The following NLGN4X variants were observed in gnomAD, a reference collection of about 807,000 sequenced individuals.
The protein encoded by NLGN4X is neuroligin 4 X-linked.
A neutral mutation model predicts 40.3 loss-of-function variants in NLGN4X; 3 were observed. That is an observed-to-expected ratio of 0.07 (90% CI 0.03 to 0.19). The LOEUF (loss-of-function observed/expected upper bound fraction) is 0.19. Among genes scored for constraint, NLGN4X ranks in the 10% least tolerant of loss-of-function variants. The probability of loss-of-function intolerance (pLI) is 1.00; values close to 1 mark genes in which losing one functional copy is unlikely to be tolerated. For missense variants in NLGN4X, 382 were observed against 708.3 expected, an observed-to-expected ratio of 0.54 and a Z score of 5.23; for synonymous variants, 270 against 306.8, an observed-to-expected ratio of 0.88 and a Z score of 1.25.
At chrX:6,054,415 G>A (rs773996362) in intron 2 of NLGN4X, among the ~76,000 whole-genome samples, 1 of 110,734 alleles carries the variant, frequency 9.0e-6, no homozygotes, top group African/African-American at 3.3e-5. Context: ...AGGAGTTCAA[G>A]ACCAGACTGG....
chrX:6,154,511 G>GA (rs1310215912), intron 1 of NLGN4X, among the ~76,000 whole-genome samples: 206 of 99,975 alleles, frequency 2.1e-3, no homozygotes, highest in Non-Finnish European at 3.3e-3. Flanking sequence ...TCCTTGTGGG[G>GA]AAAAAAAAAA....
chrX:6,012,330 C>T (rs368252637), intron 3 of NLGN4X, among the ~76,000 whole-genome samples: 313 of 112,153 alleles, frequency 2.8e-3, no homozygotes, highest in African/African-American at 9.7e-3. Context: ...AATAAACTTT[C>T]AGATACTGCA....
At chrX:6,195,126 C>T (rs1424028208) in intron 1 of NLGN4X, among the ~76,000 whole-genome samples, 1 of 112,230 alleles carries the variant, frequency 8.9e-6, no homozygotes, top group Admixed American at 9.4e-5. Context: ...CATGCATTAG[C>T]TGTTTGTCCG....
chrX:5,906,906 C>G (rs1402459415), intron 4 of NLGN4X, among the ~76,000 whole-genome samples: 1 of 110,810 alleles, frequency 9.0e-6, no homozygotes, highest in Non-Finnish European at 1.9e-5. Context: ...ACGGTGAAAG[C>G]CCATCTCTAC....
intron 2 of NLGN4X, among the ~76,000 whole-genome samples, chrX:6,099,887 G>A (rs1033989102): frequency 9.0e-6 from 1 of 111,379 alleles, no homozygotes. Flanking sequence ...GCTCGGTCCG[G>A]GAGACCCTAA....
chrX:6,090,214 T>C (rs996274941), intron 2 of NLGN4X, among the ~76,000 whole-genome samples: 1 of 111,598 alleles, frequency 9.0e-6, no homozygotes, highest in African/African-American at 3.3e-5. Context: ...TGTTTAACCT[T>C]ACTCTATTGT....
intron 2 of NLGN4X, among the ~76,000 whole-genome samples, chrX:6,044,543 A>G (rs1221478401): frequency 1.8e-5 from 2 of 111,378 alleles, no homozygotes; most frequent in Admixed American, 9.6e-5. Context: ...GAAGATTTTT[A>G]GGGTTGCAGA....
Position 5,991,350 on chromosome X carries a change from A to G in NLGN4X, c.625+37930T>C, listed in dbSNP as rs141372518. 1.5e-3 allele frequency: 718 copies of G among 467,292 alleles called. 6 individuals are homozygous for G. In the East Asian group the frequency reaches 0.022, roughly 15 times the overall value. The allele number at this position is 467,292 out of a possible 1,213,427, so 38.5% of individuals were successfully genotyped here. ...CCCACAGCATAATCAATGAAAACAT[A>G]GCAGAAACCTCCCTGTCTAAGCCCA... On this transcript the variant is annotated intron_variant, in intron 3 of 5. Coordinates refer to ENST00000381095, the MANE Select transcript of NLGN4X (RefSeq NM_181332.3).
chrX:5,930,856 A>G (rs754896634), intron 3 of NLGN4X, among the ~76,000 whole-genome samples: 1 of 111,804 alleles, frequency 8.9e-6, no homozygotes, highest in South Asian at 3.8e-4. Flanking sequence ...TATATGTATC[A>G]CCCTTTCAAT....
chrX:5,986,684 A>C (rs2035538318), intron 3 of NLGN4X, among the ~76,000 whole-genome samples: 2 of 112,126 alleles, frequency 1.8e-5, no homozygotes, highest in Non-Finnish European at 3.8e-5. Flanking sequence ...TACAGCAATA[A>C]GACACACAAC....
intron 3 of NLGN4X, among the ~76,000 whole-genome samples, chrX:5,927,074 T>C (rs5961382): frequency 0.046 from 5,081 of 111,076 alleles, 302 homozygotes; most frequent in African/African-American, 0.16. Flanking sequence ...TTATCAACAA[T>C]GGTTTTCTTT....
intron 2 of NLGN4X, among the ~76,000 whole-genome samples, chrX:6,099,065 T>C (rs1420961720): frequency 4.5e-5 from 5 of 112,070 alleles, no homozygotes; most frequent in Admixed American, 9.5e-5. Context: ...ACCTACACTG[T>C]CCTTAGACAT....
chrX:6,138,555 T>C (rs1217226834), intron 2 of NLGN4X, among the ~76,000 whole-genome samples: 2 of 111,957 alleles, frequency 1.8e-5, no homozygotes, highest in Non-Finnish European at 3.8e-5. Context: ...ATTCATTTGT[T>C]CCATGTACTG....
intron 2 of NLGN4X, among the ~76,000 whole-genome samples, chrX:6,118,067 CCTCT>C (rs776534076): frequency 2.8e-5 from 3 of 108,462 alleles, no homozygotes; most frequent in East Asian, 2.9e-4. Context: ...CCACTTTCTC[CCTCT>C]CTCTCTCTCT....
intron 2 of NLGN4X, among the ~76,000 whole-genome samples, chrX:6,139,164 C>T (rs1271171397): frequency 9.0e-6 from 1 of 111,492 alleles, no homozygotes; most frequent in African/African-American, 3.3e-5. Flanking sequence ...AAGTACTTTA[C>T]TAGAATAGAA....
At chrX:5,974,364 T>C (rs2035113998) in intron 3 of NLGN4X, among the ~76,000 whole-genome samples, 1 of 111,957 alleles carries the variant, frequency 8.9e-6, no homozygotes, top group African/African-American at 3.3e-5. Context: ...TGGAGTTTCA[T>C]CCACAGTCAT....
chrX:5,967,714 T>C (rs1418194353), intron 3 of NLGN4X, among the ~76,000 whole-genome samples: 1 of 111,221 alleles, frequency 9.0e-6, no homozygotes, highest in Non-Finnish European at 1.9e-5. Context: ...GAGAGAAGTA[T>C]GGACACAGAC....
intron 1 of NLGN4X, among the ~76,000 whole-genome samples, chrX:6,193,325 C>G (rs1354941457): frequency 2.0e-5 from 2 of 102,086 alleles, no homozygotes; most frequent in African/African-American, 3.6e-5. Flanking sequence ...AAGAGAATGG[C>G]GTGAACCCGG....
chrX:6,185,202 C>T (rs5961411), intron 1 of NLGN4X, among the ~76,000 whole-genome samples: 8,314 of 111,594 alleles, frequency 0.075, 246 homozygotes, highest in South Asian at 0.16. Flanking sequence ...AAAGAGTGAC[C>T]GCTGTTCCAG....
Sources: gnomAD v4.1 joint callset for allele counts (sites outside exome capture counted in the v4.1 genomes callset) on GRCh38, gnomAD v4.1.1 for gene constraint, MANE v1.5 for transcripts, NCBI Gene and HGNC (gene_info 2026-07-23, HGNC 2026-07-21) for gene names.